BRD1: variants seen among roughly 807,000 people sequenced by gnomAD.
BRD1 encodes the protein bromodomain-containing protein 1.
A neutral mutation model predicts 107.7 loss-of-function variants in BRD1; 24 were observed. That is an observed-to-expected ratio of 0.22 (90% confidence interval 0.16 to 0.31). The LOEUF (loss-of-function observed/expected upper bound fraction) is 0.31, where lower values mean the gene tolerates loss of function less well. BRD1 is among the 10% of genes least tolerant of loss of function. BRD1 has a pLI of 1.00. For missense variants in BRD1, 1,279 were observed against 1,638.6 expected, an observed-to-expected ratio of 0.78 and a Z score of 3.79; for synonymous variants, 744 against 686.1, an observed-to-expected ratio of 1.08 and a Z score of -1.32.
At chr22:49,787,301 C>CT in intron 8 of BRD1, 89 bp downstream of exon 8, 3 of 500,722 alleles carry the variant, frequency 6.0e-6, no homozygotes, top group Admixed American at 5.4e-5. Flanking sequence ...AGCTGGACAC[C>CT]CCCCCCCCCC....
intron 2 of BRD1, among the ~76,000 whole-genome samples, chr22:49,818,840 C>T (rs1296764475): frequency 1.3e-5 from 2 of 151,054 alleles, no homozygotes; most frequent in African/African-American, 4.9e-5. Context: ...GAGCCGAGAT[C>T]GTGCCACTGC....
intron 8 of BRD1, among the ~76,000 whole-genome samples, chr22:49,781,908 C>A (rs1358808410): frequency 6.6e-6 from 1 of 152,018 alleles, no homozygotes; most frequent in Non-Finnish European, 1.5e-5. Flanking sequence ...CGGGGACGGT[C>A]AGAGACCGAC....
rs747675583 is a variant in BRD1 at position 49,798,998 on chromosome 22, T to C, written c.1646A>G (p.Lys549Arg). Residue 549 changes from lysine to arginine, a missense_variant, in exon 4 of 13, where the codon AAG (lysine) becomes AGG (arginine). Lys to Arg is a conservative substitution (Grantham distance 26). Transcript: ENST00000404760. ...CAGGCCCAGCCCCACCTGCTCACGC[T>C]TGAGCTTCTCCCGCTTGCGCAGCAG... Reference protein sequence around the residue: ...IELLRKREKLKREQVKVEQVA... With the variant: ...IELLRKREKLRREQVKVEQVA... 1 of 1,608,190 alleles carries C rather than the reference T, an allele frequency of 6.2e-7. No individual in the cohort carries two copies.
intron 8 of BRD1, among the ~76,000 whole-genome samples, chr22:49,778,204 G>A (rs574946765): frequency 1.5e-3 from 230 of 152,314 alleles, no homozygotes; most frequent in African/African-American, 5.3e-3. Context: ...GGCACCGGCC[G>A]CGTTTGAACG....
rs1481168765 is a variant in BRD1 at position 49,827,836 on chromosome 22, C to G, written c.-354G>C. On this transcript the variant is annotated 5_prime_UTR_variant, in exon 1 of 13. Transcript: ENST00000404760. ...GCGGGGCTGGCTCGGACTCCAGGGC[C>G]GGGTCGCTCGCTCGCTCCCCAGCGA... Among the ~76,000 whole-genome samples, 3 of 144,286 alleles carry G rather than the reference C, an allele frequency of 2.1e-5. No individual in the cohort carries two copies. Among genetic ancestry groups the G allele is most frequent in the African/African-American group, 7.4e-5 (3 of 40,392 alleles). 94.7% of individuals were successfully genotyped at this position (144,286 alleles called of 152,430 possible). A position where few individuals can be genotyped will look rare whatever the true frequency, so the allele number is the denominator to read the frequency against.
At chr22:49,814,854 T>A (rs952019459) in intron 2 of BRD1, among the ~76,000 whole-genome samples, 5 of 152,112 alleles carry the variant, frequency 3.3e-5, no homozygotes, top group Non-Finnish European at 5.9e-5. Flanking sequence ...CAAAAGTAAG[T>A]AAATATGGTG....
intron 9 of BRD1, 70 bp from the exon 10 acceptor site, chr22:49,777,231 G>T (rs547589314): frequency 1.3e-6 from 2 of 1,588,550 alleles, no homozygotes; most frequent in Non-Finnish European, 1.7e-6. Flanking sequence ...GCTTCGTCCC[G>T]TGAGCTGTCC....
At chr22:49,779,456 C>A (rs975252206) in intron 8 of BRD1, among the ~76,000 whole-genome samples, 1 of 152,198 alleles carries the variant, frequency 6.6e-6, no homozygotes, top group Non-Finnish European at 1.5e-5. Context: ...AAGTCAGACA[C>A]CGGCTCCGTC....
intron 8 of BRD1, among the ~76,000 whole-genome samples, chr22:49,785,548 A>C (rs2059306828): frequency 6.6e-6 from 1 of 152,232 alleles, no homozygotes; most frequent in South Asian, 2.1e-4. Context: ...TCTTTCACCA[A>C]AGGTGGCTAA....
intron 12 of BRD1, 30 bp from the exon 13 acceptor site, chr22:49,774,446 C>A: frequency 1.3e-6 from 2 of 1,593,118 alleles, no homozygotes; most frequent in Non-Finnish European, 8.6e-7. Flanking sequence ...AGCGGAAAAT[C>A]ATTGCTTGCA....
chr22:49,780,409 CG>C (rs2059183879), intron 8 of BRD1, among the ~76,000 whole-genome samples: 1 of 152,198 alleles, frequency 6.6e-6, no homozygotes, highest in Non-Finnish European at 1.5e-5. Flanking sequence ...TGACAGCACC[CG>C]GGAAGACGTG....
At chr22:49,785,365 C>G (rs1236680133) in intron 8 of BRD1, among the ~76,000 whole-genome samples, 1 of 152,280 alleles carries the variant, frequency 6.6e-6, no homozygotes, top group East Asian at 1.9e-4. Flanking sequence ...CCCCATACCT[C>G]TGCCGCCGAC....
intron 8 of BRD1, 37 bp downstream of exon 8, chr22:49,787,353 G>A (rs778185739): frequency 1.1e-5 from 17 of 1,558,556 alleles, no homozygotes; most frequent in African/African-American, 7.2e-5. Flanking sequence ...GGCACTGGTC[G>A]GCAAGGGCGC....
intron 8 of BRD1, among the ~76,000 whole-genome samples, chr22:49,784,124 C>T (rs947341621): frequency 5.3e-5 from 8 of 151,964 alleles, no homozygotes; most frequent in African/African-American, 9.7e-5. Flanking sequence ...CAGGGGTCTC[C>T]GCAACGGCAG....
intron 7 of BRD1, among the ~76,000 whole-genome samples, chr22:49,789,342 G>C (rs2059387880): frequency 6.6e-6 from 1 of 152,218 alleles, no homozygotes; most frequent in Admixed American, 6.5e-5. Flanking sequence ...AAGGGCTGCT[G>C]AAAGGCTGCT....
chr22:49,791,409 A>G (rs993859398), intron 7 of BRD1, among the ~76,000 whole-genome samples: 3 of 152,226 alleles, frequency 2.0e-5, no homozygotes, highest in Non-Finnish European at 4.4e-5. Context: ...AGCAAAATAT[A>G]AACACAACAC....
intron 12 of BRD1, 28 bp downstream of exon 12, chr22:49,775,563 C>A: frequency 6.9e-7 from 1 of 1,458,470 alleles, no homozygotes; most frequent in Non-Finnish European, 9.1e-7. Context: ...CCCAGCCGGT[C>A]CCCGGAGTCT....
intron 1 of BRD1, among the ~76,000 whole-genome samples, chr22:49,827,157 A>G (rs1486053260): frequency 6.7e-6 from 1 of 148,302 alleles, no homozygotes; most frequent in Non-Finnish European, 1.5e-5. Flanking sequence ...TCGAGCGCGG[A>G]CTCCGGGCAG....
At chr22:49,786,838 C>CA (rs1282081974) in intron 8 of BRD1, among the ~76,000 whole-genome samples, 1 of 152,174 alleles carries the variant, frequency 6.6e-6, no homozygotes, top group East Asian at 1.9e-4. Context: ...GGGCCAGGTG[C>CA]AGCGGCTCAC....
Sources: gnomAD v4.1 joint callset for allele counts (sites outside exome capture counted in the v4.1 genomes callset) on GRCh38, gnomAD v4.1.1 for gene constraint, MANE v1.5 for transcripts, NCBI Gene and HGNC (gene_info 2026-07-23, HGNC 2026-07-21) for gene names.